Variants in MYCBP2 observed in about 807,000 individuals in gnomAD.
The protein encoded by MYCBP2 is MYC binding protein 2.
MYCBP2 carries 120 observed loss-of-function variants against 525.3 expected under a neutral mutation model. The ratio of observed to expected loss-of-function variants is 0.23; its 90% CI spans 0.20 to 0.27. The LOEUF is 0.27. MYCBP2 is among the 10% of genes least tolerant of loss of function. MYCBP2 has a pLI of 1.00. For missense variants in MYCBP2, 4,149 were observed against 5,657.1 expected, an observed-to-expected ratio of 0.73 and a Z score of 8.55; for synonymous variants, 1,894 against 1,955.8, an observed-to-expected ratio of 0.97 and a Z score of 0.83.
Position 77,205,581 on chromosome 13 carries a change from C to T in MYCBP2, c.3607G>A (p.Ala1203Thr). The T allele has an allele frequency of 1.9e-6, 3 of 1,611,938 alleles. No individual in the cohort carries two copies. The highest frequency in any genetic ancestry group is 2.5e-6 in the Non-Finnish European group (3 of 1,179,376). The change falls in exon 25 of 83, where the codon GCA (alanine) becomes ACA (threonine). Residue 1203 changes from alanine (A) to threonine (T), a missense_variant. By Grantham distance (58) the Ala-to-Thr change is moderately conservative (BLOSUM62 0). Around this residue, in one of 21 missense-constraint regions of MYCBP2, gnomAD observed 620 missense variants for 795.5 expected, o/e 0.78. Coordinates refer to ENST00000544440, the MANE Select transcript of MYCBP2 (RefSeq NM_015057.5). ...CCCATTTTTAAGTCCTGCATAGCTGCCAAGGTATCAAGACAACCTAAAACA... is the reference window on the plus strand; with the variant it reads ...CCCATTTTTAAGTCCTGCATAGCTGTCAAGGTATCAAGACAACCTAAAACA... ...LHILGCLDTL[A>T]AMQDLKMGVA...
intron 21 of MYCBP2, among the ~76,000 whole-genome samples, chr13:77,214,341 A>C (rs941417139): frequency 6.6e-6 from 1 of 152,344 alleles, no homozygotes; most frequent in East Asian, 1.9e-4. Context: ...ACCTCTAACA[A>C]TATTCACTAC....
At chr13:77,269,334 C>T (rs2074544176) in intron 7 of MYCBP2, among the ~76,000 whole-genome samples, 1 of 152,062 alleles carries the variant, frequency 6.6e-6, no homozygotes, top group South Asian at 2.1e-4. Flanking sequence ...TATACATTTC[C>T]AATTTAAATG....
rs767220518 is a variant in MYCBP2, at chr13:77,251,321, A to T, written c.2211T>A (p.Asp737Glu). The stretch of plus-strand genomic sequence containing the variant: ...CATCTAGTTCTTCTTCCAGGTCTTC[A>T]TCCATTGCTGTTGCCATATTTTCAA... The part of the protein sequence containing the change: ...FGVENMATAM[D>E]EDLEEELDEK... The change falls in exon 15 of 83, where the codon GAT (aspartate) becomes GAA (glutamate). Residue 737 changes from aspartate (D) to glutamate (E), a missense_variant. Coordinates refer to ENST00000544440, the MANE Select transcript of MYCBP2 (RefSeq NM_015057.5). 2.5e-6 allele frequency: 4 copies of T among 1,614,182 alleles called. No individual in the cohort carries two copies. The highest frequency in any genetic ancestry group is 3.4e-6 in the Non-Finnish European group (4 of 1,180,030).
intron 1 of MYCBP2, among the ~76,000 whole-genome samples, chr13:77,310,947 T>C (rs1226816397): frequency 2.0e-5 from 3 of 152,164 alleles, no homozygotes; most frequent in South Asian, 4.1e-4. Flanking sequence ...ACAACTACTT[T>C]GGGCAAAATT....
chr13:77,061,862 T>C, intron 74 of MYCBP2, 72 bp from the exon 75 acceptor site: 2 of 1,385,762 alleles, frequency 1.4e-6, no homozygotes, highest in Middle Eastern at 2.4e-4. Context: ...TTGAATATAA[T>C]TTATTTACAA....
Position 77,081,468 on chromosome 13 carries a change from G to A in MYCBP2, c.11377C>T (p.Arg3793Cys), listed in dbSNP as rs762398253. The A allele has an allele frequency of 3.7e-6, 6 of 1,612,432 alleles. No individual in the cohort carries two copies. The highest frequency in any genetic ancestry group is 4.5e-5 in the East Asian group (2 of 44,872). The change falls in exon 65 of 83, where the codon CGC becomes TGC. Residue 3793 changes from arginine (R) to cysteine (C), a missense_variant. Around this residue, in one of 21 missense-constraint regions of MYCBP2, gnomAD observed 509 missense variants for 789.4 expected, o/e 0.64. Transcript: ENST00000544440. The surrounding 1 kb of genome is among the most constrained non-coding windows in gnomAD (Gnocchi z 4.6). ...TTGTCCACGTGAACAGACACATAGC[G>A]GGCATTGATTCCTTTTACACAGTTG... Reference protein sequence around the residue: ...TINCVKGINARYVSVHVDNSR... With the variant: ...TINCVKGINACYVSVHVDNSR...
chr13:77,212,197 G>A, intron 21 of MYCBP2, 37 bp from the exon 22 acceptor site: 1 of 1,559,292 alleles, frequency 6.4e-7, no homozygotes. Flanking sequence ...CAATATTGCT[G>A]TGTAAACAAT....
In MYCBP2 at chr13:77,058,534, C is replaced by A; in HGVS notation, c.13141-128G>T. The stretch of plus-strand genomic sequence containing the variant: ...AGTATCTATGCAGGCCAAGTAACAA[C>A]AAAGTAAAGTTATTTCTAATCTTTG... On this transcript the variant is annotated intron_variant, in intron 77 of 82. Transcript: ENST00000544440. This position sits in a 1 kb window ranked among gnomAD's most constrained non-coding sequence, Gnocchi z 4.1. The A allele has an allele frequency of 3.1e-6, 2 of 655,416 alleles. No individual in the cohort carries two copies. The highest frequency in any genetic ancestry group is 4.6e-6 in the Non-Finnish European group (2 of 436,646). The allele number at this position is 655,416 out of a possible 1,614,324, so 40.6% of individuals were successfully genotyped here. A position where few individuals can be genotyped will look rare whatever the true frequency, so the allele number is the denominator to read the frequency against.
At chr13:77,252,405 T>C (rs549617685) in intron 14 of MYCBP2, among the ~76,000 whole-genome samples, 2 of 152,160 alleles carry the variant, frequency 1.3e-5, no homozygotes, top group Non-Finnish European at 2.9e-5. Context: ...AAGCTTATAA[T>C]GTAGTAAGAA....
At chr13:77,079,688 G>A (rs1486949322) in intron 65 of MYCBP2, among the ~76,000 whole-genome samples, 1 of 152,064 alleles carries the variant, frequency 6.6e-6, no homozygotes, top group African/African-American at 2.4e-5. Flanking sequence ...TTTGGATTAG[G>A]GATTTTTTAG....
At chr13:77,193,261 A>C (rs1211831124) in intron 27 of MYCBP2, among the ~76,000 whole-genome samples, 1 of 152,214 alleles carries the variant, frequency 6.6e-6, no homozygotes, top group East Asian at 1.9e-4. Context: ...TTTGTATAAA[A>C]CACTAAAGGT....
intron 55 of MYCBP2, among the ~76,000 whole-genome samples, chr13:77,105,846 T>C (rs550364757): frequency 1.3e-5 from 2 of 152,270 alleles, no homozygotes; most frequent in East Asian, 3.9e-4. Flanking sequence ...TTACTATAGT[T>C]TGCCCTCATA....
At position 77,157,938 on chromosome 13, in the gene MYCBP2, T is replaced by C; in HGVS notation, c.6769A>G (p.Arg2257Gly). 1 of 1,609,816 alleles carries C rather than the reference T, an allele frequency of 6.2e-7. No homozygotes were observed. The highest frequency in any genetic ancestry group is 8.5e-7 in the Non-Finnish European group (1 of 1,178,592). The change falls in exon 45 of 83, where the codon AGG becomes GGG. Residue 2257 changes from arginine (R) to glycine (G), a missense_variant and splice_region_variant. By Grantham distance (125) the Arg-to-Gly change is moderately radical. Coordinates refer to ENST00000544440, the MANE Select transcript of MYCBP2 (RefSeq NM_015057.5). ...VPGSSGGRLA[R>G]WLQPDSYADP... ...GTAAGTAACTTAAAGTACATTTACC[T>C]TGCAAGCCTTCCACCACTTGATCCT...
intron 49 of MYCBP2, 71 bp from the exon 50 acceptor site, chr13:77,141,014 T>A: frequency 9.2e-7 from 1 of 1,088,412 alleles, no homozygotes; most frequent in Non-Finnish European, 1.4e-6. Context: ...CCTAATCTTA[T>A]AAACATCCAC....
chr13:77,225,378 T>C, intron 19 of MYCBP2, 57 bp downstream of exon 19: 1 of 1,604,876 alleles, frequency 6.2e-7, no homozygotes, highest in East Asian at 2.2e-5. Context: ...TCTGAAGAAA[T>C]AAGTTACTGA....
intron 52 of MYCBP2, among the ~76,000 whole-genome samples, chr13:77,132,415 A>G (rs2053045004): frequency 6.6e-6 from 1 of 152,164 alleles, no homozygotes. Context: ...AACAAGATTA[A>G]CAAATGATAC....
chr13:77,281,378 A>G (rs2076171653), intron 3 of MYCBP2, among the ~76,000 whole-genome samples: 2 of 152,098 alleles, frequency 1.3e-5, no homozygotes, highest in Non-Finnish European at 2.9e-5. Flanking sequence ...AATCATCTAC[A>G]ATAAATATGT....
Position 77,090,059 on chromosome 13 carries a change from T to C in MYCBP2, c.10525+47A>G, listed in dbSNP as rs776662472. The C allele has an allele frequency of 4.9e-6, 7 of 1,437,832 alleles. No homozygotes were observed. The South Asian group carries it at 6.5e-5, about 13-fold the overall frequency. 89.1% of individuals were successfully genotyped at this position (1,437,832 alleles called of 1,614,324 possible). A position where few individuals can be genotyped will look rare whatever the true frequency, so the allele number is the denominator to read the frequency against. ...TATGCAAATAAAACAATTTTTTTAT[T>C]TGTAGTAGTCAGATCACTCAATATT... On this transcript the variant is annotated intron_variant, in intron 60 of 82. Coordinates refer to ENST00000544440, the MANE Select transcript of MYCBP2 (RefSeq NM_015057.5).
chr13:77,107,273 A>G (rs1430448925), intron 55 of MYCBP2, among the ~76,000 whole-genome samples: 1 of 152,178 alleles, frequency 6.6e-6, no homozygotes, highest in Non-Finnish European at 1.5e-5. Flanking sequence ...TAATTTTTAA[A>G]TTATTTATTT....
Sources: allele counts gnomAD v4.1 joint callset (sites outside exome capture counted in the v4.1 genomes callset), GRCh38; gene constraint gnomAD v4.1.1; regional missense constraint gnomAD v4.1.1; non-coding constraint Gnocchi (gnomAD v3.1); transcripts MANE v1.5; gene names NCBI Gene and HGNC (gene_info 2026-07-23, HGNC 2026-07-21).